RNF38: variants seen among roughly 807,000 people sequenced by gnomAD.
RNF38 encodes the protein E3 ubiquitin-protein ligase RNF38.
A neutral mutation model predicts 67.2 loss-of-function variants in RNF38; 15 were observed. The observed-to-expected ratio is 0.22, with a 90% CI of 0.15 to 0.34. The LOEUF is 0.34. Ranked by LOEUF, RNF38 falls within the 10% of genes least tolerant of loss-of-function variation. RNF38 has a pLI of 1.00. For synonymous variants in RNF38, 220 were observed against 218.8 expected (o/e 1.01, Z -0.05); for missense variants, 524 against 639.9 (o/e 0.82, Z 1.95).
chr9:36,360,409 A>ACC (rs1329960076), intron 4 of RNF38, among the ~76,000 whole-genome samples: 1 of 152,208 alleles, frequency 6.6e-6, no homozygotes, highest in Non-Finnish European at 1.5e-5. Context: ...CAACTACAGG[A>ACC]TGAGCATCCC....
upstream of RNF38, chr9:36,400,385 C>T: frequency 8.6e-7 from 1 of 1,161,966 alleles, no homozygotes; most frequent in Non-Finnish European, 1.1e-6. Flanking sequence ...GGCAGCGGGC[C>T]GGCGGCTCCG....
At chr9:36,414,921 G>A (rs931124214) in intron 2 of RNF38, among the ~76,000 whole-genome samples, 3 of 152,150 alleles carry the variant, frequency 2.0e-5, no homozygotes, top group Non-Finnish European at 2.9e-5. Context: ...GCTGAAAAAC[G>A]TGCTGTTAAT....
At chr9:36,423,024 C>A (rs1838669756) in intron 2 of RNF38, among the ~76,000 whole-genome samples, 1 of 152,066 alleles carries the variant, frequency 6.6e-6, no homozygotes, top group Non-Finnish European at 1.5e-5. Flanking sequence ...AAAATTTAAC[C>A]CAAAAGCACC....
intron 1 of RNF38, among the ~76,000 whole-genome samples, chr9:36,426,577 T>C (rs985948755): frequency 2.0e-5 from 3 of 152,382 alleles, no homozygotes; most frequent in East Asian, 1.9e-4. Flanking sequence ...TTAAGACTAA[T>C]GCTGTTTTGA....
chr9:36,394,563 G>A (rs1751841947), intron 1 of RNF38, among the ~76,000 whole-genome samples: 2 of 152,186 alleles, frequency 1.3e-5, no homozygotes, highest in South Asian at 4.1e-4. Flanking sequence ...CAGTATAGCA[G>A]GTTTTAAAGC....
intron 1 of RNF38, among the ~76,000 whole-genome samples, chr9:36,469,911 C>T (rs967947711): frequency 5.3e-5 from 8 of 151,992 alleles, no homozygotes; most frequent in South Asian, 2.1e-4. Flanking sequence ...CTGGGGAGAT[C>T]GAGACTGCAG....
intron 1 of RNF38, among the ~76,000 whole-genome samples, chr9:36,393,302 T>C (rs1470315752): frequency 2.0e-5 from 3 of 152,158 alleles, no homozygotes; most frequent in Non-Finnish European, 4.4e-5. Flanking sequence ...AAGCATATCC[T>C]CTCCTACTCA....
At position 36,392,683 on chromosome 9, in the gene RNF38, C is replaced by T. The variant is rs960146256; in HGVS notation, c.13-2067G>A. 2.6e-5 allele frequency among the ~76,000 whole-genome samples: 4 copies of T among 152,134 alleles called. No homozygotes were observed. In the East Asian group the frequency reaches 5.8e-4, roughly 22 times the overall value. On this transcript the variant is annotated intron_variant, in intron 1 of 11. Transcript: ENST00000259605. ...AGGAGGCTAAGGCAGGAGCTTCACT[C>T]GAGCCCAGTAGTTTGAGGTTACAGT...
intron 1 of RNF38, among the ~76,000 whole-genome samples, chr9:36,430,199 AATTATT>A (rs998498179): frequency 1.3e-5 from 2 of 151,860 alleles, no homozygotes; most frequent in Non-Finnish European, 2.9e-5. Context: ...GAAGGCCAAG[AATTATT>A]ATTATTATTA....
intron 4 of RNF38, among the ~76,000 whole-genome samples, chr9:36,369,051 T>C (rs1275423994): frequency 6.6e-6 from 1 of 152,114 alleles, no homozygotes; most frequent in African/African-American, 2.4e-5. Flanking sequence ...TGTCATCTCC[T>C]TGGAGGCCTA....
exon 1 of RNF38, chr9:36,487,421 G>A (rs1031077953): frequency 1.0e-6 from 1 of 981,374 alleles, no homozygotes; most frequent in African/African-American, 1.8e-5. Flanking sequence ...GGGCGGCGGC[G>A]GTGGGGGGCG....
intron 1 of RNF38, among the ~76,000 whole-genome samples, chr9:36,394,035 G>A (rs1277389265): frequency 6.6e-6 from 1 of 152,196 alleles, no homozygotes; most frequent in Non-Finnish European, 1.5e-5. Flanking sequence ...CCAGCACTTT[G>A]GGAGGCCGAG....
At chr9:36,448,380 C>T (rs1052466432) in intron 1 of RNF38, among the ~76,000 whole-genome samples, 1 of 152,296 alleles carries the variant, frequency 6.6e-6, no homozygotes, top group East Asian at 1.9e-4. Flanking sequence ...ACGAACCTCA[C>T]AATTATCATC....
chr9:36,391,985 T>C (rs1255846467), intron 1 of RNF38, among the ~76,000 whole-genome samples: 1 of 152,188 alleles, frequency 6.6e-6, no homozygotes, highest in Admixed American at 6.5e-5. Flanking sequence ...GTAAGTATTA[T>C]GGTAACGCTA....
chr9:36,449,391 A>G (rs528482484), intron 1 of RNF38, among the ~76,000 whole-genome samples: 1 of 152,188 alleles, frequency 6.6e-6, no homozygotes, highest in South Asian at 2.1e-4. Context: ...TGATTGTGCC[A>G]GTGCACTCCA....
intron 1 of RNF38, among the ~76,000 whole-genome samples, chr9:36,450,271 T>A (rs1839406238): frequency 6.6e-6 from 1 of 152,136 alleles, no homozygotes; most frequent in Non-Finnish European, 1.5e-5. Flanking sequence ...GACTTTTTTT[T>A]TATATAATTA....
intron 1 of RNF38, among the ~76,000 whole-genome samples, chr9:36,469,645 G>C (rs1839952074): frequency 6.6e-6 from 1 of 151,872 alleles, no homozygotes; most frequent in Non-Finnish European, 1.5e-5. Context: ...TGGGCAACAA[G>C]AGCAAAACTC....
At chr9:36,438,427 T>A (rs1012164330) in intron 1 of RNF38, among the ~76,000 whole-genome samples, 11 of 152,094 alleles carry the variant, frequency 7.2e-5, no homozygotes, top group South Asian at 2.1e-4. Flanking sequence ...TGATTTTTTT[T>A]AAGCTCATCA....
At position 36,363,029 on chromosome 9, in the gene RNF38, T is replaced by C. The variant is rs1201503188; in HGVS notation, c.571-5087A>G. 1.1e-4 allele frequency among the ~76,000 whole-genome samples: 11 copies of C among 99,728 alleles called. 3 individuals are homozygous for C. The highest frequency in any genetic ancestry group is 2.7e-4 in the African/African-American group (9 of 33,254). 65.4% of individuals were successfully genotyped at this position (99,728 alleles called of 152,430 possible). ...TTTTCGCTGTCTTCACGGTGATTAATTGTTTCAGTCTATGAGACAGGGGTC... is the reference window on the plus strand; with the variant it reads ...TTTTCGCTGTCTTCACGGTGATTAACTGTTTCAGTCTATGAGACAGGGGTC... On this transcript the variant is annotated intron_variant, in intron 4 of 11. Transcript: ENST00000259605.
Sources: gnomAD v4.1 joint callset for allele counts (sites outside exome capture counted in the v4.1 genomes callset) on GRCh38, gnomAD v4.1.1 for gene constraint, MANE v1.5 for transcripts, NCBI Gene and HGNC (gene_info 2026-07-23, HGNC 2026-07-21) for gene names.